Variants in TENM4 observed in about 807,000 individuals in gnomAD.
TENM4 encodes teneurin transmembrane protein 4, also known as teneurin-4.
A neutral mutation model predicts 243.3 loss-of-function variants in TENM4; 82 were observed. The observed-to-expected ratio is 0.34, with a 90% CI of 0.28 to 0.40. The LOEUF (loss-of-function observed/expected upper bound fraction) is 0.40. Ranked by LOEUF, TENM4 falls within the 10% of genes least tolerant of loss-of-function variation. TENM4 has a pLI of 1.00. For synonymous variants in TENM4, 1,412 were observed against 1,456.3 expected (o/e 0.97, Z 0.69); for missense variants, 3,138 against 3,673.3 (o/e 0.85, Z 3.77).
At chr11:79,246,995 A>G (rs1489887082) in intron 2 of TENM4, among the ~76,000 whole-genome samples, 2 of 124,530 alleles carry the variant, frequency 1.6e-5, no homozygotes, top group Non-Finnish European at 3.5e-5. Context: ...CAAAAAAAAA[A>G]AAACACCCCC....
At chr11:78,727,064 A>T (rs565478418) in intron 22 of TENM4, among the ~76,000 whole-genome samples, 1 of 152,348 alleles carries the variant, frequency 6.6e-6, no homozygotes, top group South Asian at 2.1e-4. Context: ...CGCCACTGGA[A>T]ATCACAGTGA....
intron 12 of TENM4, among the ~76,000 whole-genome samples, chr11:78,814,963 G>A (rs186588009): frequency 7.0e-4 from 107 of 152,280 alleles, no homozygotes; most frequent in Non-Finnish European, 1.3e-3. Context: ...TCACCTTGAT[G>A]TGTTCACCAC....
At chr11:78,972,305 G>A (rs1857562136) in intron 6 of TENM4, among the ~76,000 whole-genome samples, 1 of 152,006 alleles carries the variant, frequency 6.6e-6, no homozygotes, top group South Asian at 2.1e-4. Context: ...CTCCCACTAA[G>A]TCAACTCTCC....
chr11:79,164,522 A>ATATATC lies in TENM4; in HGVS notation c.-162-15717_-162-15716insGATATA, dbSNP rs1862861896. 2.1e-5 allele frequency among the ~76,000 whole-genome samples: 3 copies of ATATATC among 142,634 alleles called. No individual in the cohort carries two copies. In the East Asian group the frequency reaches 6.3e-4, roughly 30 times the overall value. 93.6% of individuals were successfully genotyped at this position (142,634 alleles called of 152,430 possible). ...TATATATATACACTATACATACTAT[A>ATATATC]TATATACTATATAGTACTATATATA... On this transcript the variant is annotated intron_variant, in intron 3 of 33. Transcript: ENST00000278550.
intron 9 of TENM4, among the ~76,000 whole-genome samples, chr11:78,865,029 T>C (rs11237642): frequency 0.54 from 82,538 of 152,094 alleles, 24,350 homozygotes; most frequent in East Asian, 0.78. Flanking sequence ...AGGCAGTATG[T>C]GGGGGAACTT....
At chr11:79,270,903 A>G (rs890747571) in intron 2 of TENM4, among the ~76,000 whole-genome samples, 15 of 152,292 alleles carry the variant, frequency 9.8e-5, no homozygotes, top group Middle Eastern at 3.4e-3. Context: ...ATCAGGTGGG[A>G]GAACAGCTCC....
At chr11:79,281,502 T>C (rs1856156668) in intron 2 of TENM4, among the ~76,000 whole-genome samples, 1 of 152,216 alleles carries the variant, frequency 6.6e-6, no homozygotes, top group Admixed American at 6.5e-5. Flanking sequence ...AGGTCCTTAT[T>C]TTATCACTGA....
At position 78,904,359 on chromosome 11, in the gene TENM4, C is replaced by CAAAAAAA. The variant is rs61503457; in HGVS notation, c.494-843_494-837dup. Among the ~76,000 whole-genome samples the CAAAAAAA allele has an allele frequency of 3.3e-3, 252 of 77,236 alleles. 5 individuals are homozygous for CAAAAAAA. The highest frequency in any genetic ancestry group is 0.024 in the Middle Eastern group (3 of 126). 50.7% of individuals were successfully genotyped at this position (77,236 alleles called of 152,430 possible). A position where few individuals can be genotyped will look rare whatever the true frequency, so the allele number is the denominator to read the frequency against. On this transcript the variant is annotated intron_variant, in intron 6 of 33. Transcript: ENST00000278550. Reference sequence around the variant, plus strand: ...TGAGCTACAGAGCAAGACTCTGTCTCAAAAAAAAAAAAAAAAGTAAAACAT... The same window carrying CAAAAAAA: ...TGAGCTACAGAGCAAGACTCTGTCTCAAAAAAAAAAAAAAAAAAAAAAAGTAAAACAT...
rs530817378 is a variant in TENM4, at chr11:78,912,647, A to T, written c.494-9124T>A. On this transcript the variant is annotated intron_variant, in intron 6 of 33. Coordinates refer to ENST00000278550, the MANE Select transcript of TENM4 (RefSeq NM_001098816.3). Reference sequence around the variant, plus strand: ...ATGCACATGAGGTTCCTCAACCATCAGTGAATGTTCTCTAGGATAGGACTG... The same window carrying T: ...ATGCACATGAGGTTCCTCAACCATCTGTGAATGTTCTCTAGGATAGGACTG... Among the ~76,000 whole-genome samples the T allele has an allele frequency of 7.2e-5, 11 of 152,344 alleles. No homozygotes were observed. In the East Asian group the frequency reaches 1.5e-3, roughly 21 times the overall value.
rs1042901671 is a variant in TENM4 at position 78,782,017 on chromosome 11, G to A, written c.2366-3389C>T. Among the ~76,000 whole-genome samples the A allele has an allele frequency of 2.6e-4, 39 of 152,124 alleles. 1 individual carries two copies. Among genetic ancestry groups the A allele is most frequent in the Admixed American group, 1.7e-3 (26 of 15,284 alleles). On this transcript the variant is annotated intron_variant, in intron 16 of 33. Coordinates refer to ENST00000278550, the MANE Select transcript of TENM4 (RefSeq NM_001098816.3). ...CTTTCTCCTTGTCAGCATCTGTCTT[G>A]TCAAACCACAGGTCCTGTTGTGAGT... is the stretch of plus-strand genomic sequence containing the variant.
chr11:79,124,643 ATATG>A (rs1197173334), intron 4 of TENM4, among the ~76,000 whole-genome samples: 118 of 121,684 alleles, frequency 9.7e-4, no homozygotes, highest in African/African-American at 2.4e-3. Context: ...GTATATATAT[ATATG>A]TGTGTGTGTG....
intron 6 of TENM4, among the ~76,000 whole-genome samples, chr11:78,967,149 C>A (rs1477748357): frequency 6.6e-6 from 1 of 152,168 alleles, no homozygotes; most frequent in Non-Finnish European, 1.5e-5. Flanking sequence ...GCATTTGGCA[C>A]CCCCTCTAGG....
chr11:78,865,136 C>G (rs1858936730), intron 9 of TENM4, among the ~76,000 whole-genome samples: 1 of 152,170 alleles, frequency 6.6e-6, no homozygotes, highest in Non-Finnish European at 1.5e-5. Flanking sequence ...AGCCATAAAA[C>G]TATTATTTAT....
intron 4 of TENM4, among the ~76,000 whole-genome samples, chr11:79,102,765 G>T (rs948479711): frequency 6.6e-5 from 10 of 152,242 alleles, no homozygotes; most frequent in Admixed American, 2.0e-4. Flanking sequence ...TGTCCATGTG[G>T]CCAGCTAGCC....
intron 9 of TENM4, among the ~76,000 whole-genome samples, chr11:78,881,741 A>C (rs1404794640): frequency 1.3e-5 from 2 of 152,212 alleles, no homozygotes; most frequent in Non-Finnish European, 1.5e-5. Context: ...GAGGCTCTGC[A>C]AACTGGAAAA....
intron 3 of TENM4, among the ~76,000 whole-genome samples, chr11:79,192,577 G>T (rs963191832): frequency 2.6e-5 from 4 of 151,800 alleles, no homozygotes; most frequent in African/African-American, 4.9e-5. Context: ...CAGCATGCTC[G>T]TTTAAGAGTC....
chr11:79,057,735 T>C (rs1859977604), intron 6 of TENM4, among the ~76,000 whole-genome samples: 1 of 152,196 alleles, frequency 6.6e-6, no homozygotes, highest in African/African-American at 2.4e-5. Flanking sequence ...CAACAAATAG[T>C]TGTGGAATGA....
At chr11:78,783,932 T>C (rs1240018932) in intron 16 of TENM4, among the ~76,000 whole-genome samples, 1 of 152,196 alleles carries the variant, frequency 6.6e-6, no homozygotes, top group Non-Finnish European at 1.5e-5. Context: ...ATTTGTCTTG[T>C]TCTTTAAATT....
At chr11:78,696,439 G>A (rs543782231) in intron 28 of TENM4, among the ~76,000 whole-genome samples, 14 of 151,994 alleles carry the variant, frequency 9.2e-5, no homozygotes, top group East Asian at 3.9e-4. Flanking sequence ...CCTTTTGTAC[G>A]TTCAGTTGAA....
Sources: gnomAD v4.1 joint callset for allele counts (sites outside exome capture counted in the v4.1 genomes callset) on GRCh38, gnomAD v4.1.1 for gene constraint, MANE v1.5 for transcripts, NCBI Gene and HGNC (gene_info 2026-07-23, HGNC 2026-07-21) for gene names.